ZNF507: variants seen among roughly 807,000 people sequenced by gnomAD.
ZNF507 encodes zinc finger protein 507.
A neutral mutation model predicts 80.0 loss-of-function variants in ZNF507; 29 were observed. That is an observed-to-expected ratio of 0.36 (90% confidence interval 0.27 to 0.49). The LOEUF (loss-of-function observed/expected upper bound fraction) is 0.49, where lower values mean the gene tolerates loss of function less well. ZNF507 is among the 20% of genes least tolerant of loss of function. The probability of loss-of-function intolerance (pLI) is 0.98; values close to 1 mark genes in which losing one functional copy is unlikely to be tolerated. For missense variants in ZNF507, 1,081 were observed against 1,152.2 expected (o/e 0.94, Z 0.90); for synonymous variants, 462 against 422.5 (o/e 1.09, Z -1.15).
At position 32,383,767 on chromosome 19, in the gene ZNF507, G is replaced by C. The variant is rs541149311; in HGVS notation, c.*684G>C. The C allele has an allele frequency of 6.6e-6, 1 of 152,322 alleles. No homozygotes were observed. Among genetic ancestry groups the C allele is most frequent in the South Asian group, 2.1e-4 (1 of 4,828 alleles). 9.4% of individuals were successfully genotyped at this position (152,322 alleles called of 1,614,324 possible). A position where few individuals can be genotyped will look rare whatever the true frequency, so the allele number is the denominator to read the frequency against. ...TAAATTTACGATGAATTTCTTGTGA[G>C]CAGAGGACGAAACAGGTGAATTCTC... is the stretch of plus-strand genomic sequence containing the variant. On this transcript the variant is annotated 3_prime_UTR_variant, in exon 7 of 7. Coordinates refer to ENST00000355898, the MANE Select transcript of ZNF507 (RefSeq NM_001136156.2).
rs765409076 is a variant in ZNF507 at position 32,354,818 on chromosome 19, A to G, written c.1988A>G (p.His663Arg). ...TACATCAAGCAGCACTTACGAGTCC[A>G]TCGACAGAGACAGCCTTATCAGTGT... ...KGYIKQHLRV[H>R]RQRQPYQCPI... is the part of the protein sequence containing the mutation. Residue 663 changes from histidine (H) to arginine (R), a missense_variant, in exon 3 of 7, where the codon CAT becomes CGT. Physicochemically the swap from His to Arg is conservative, Grantham distance 29. Coordinates refer to ENST00000355898, the MANE Select transcript of ZNF507 (RefSeq NM_001136156.2). 6.2e-7 allele frequency: 1 copy of G among 1,614,216 alleles called. No individual in the cohort carries two copies. The highest frequency in any genetic ancestry group is 1.7e-5 in the Admixed American group (1 of 60,032).
chr19:32,354,748 C>G lies in ZNF507; in HGVS notation c.1918C>G (p.Pro640Ala). 1.2e-6 allele frequency: 2 copies of G among 1,614,164 alleles called. No homozygotes were observed. The highest frequency in any genetic ancestry group is 1.7e-6 in the Non-Finnish European group (2 of 1,180,012). ...GGAATACATCCCGAATGCTGAACGA[C>G]CCTACCGTTGCCGCCTGTGTCACTA... Reference protein sequence around the residue: ...VVEYIPNAERPYRCRLCHYTS... With the variant: ...VVEYIPNAERAYRCRLCHYTS... The change falls in exon 3 of 7, where the codon CCC (proline) becomes GCC (alanine). Residue 640 changes from proline to alanine, a missense_variant. Transcript: ENST00000355898.
rs2145352214 is a variant in ZNF507 at position 32,387,517 on chromosome 19, T to C, written c.*4434T>C. ...CCGAGCATGGAAGCTCTAGAACGTATGGTCCAGTGTGGCAGCCACTATAAT... is the reference window on the plus strand; with the variant it reads ...CCGAGCATGGAAGCTCTAGAACGTACGGTCCAGTGTGGCAGCCACTATAAT... On this transcript the variant is annotated 3_prime_UTR_variant, in exon 7 of 7. Coordinates refer to ENST00000355898, the MANE Select transcript of ZNF507 (RefSeq NM_001136156.2). 1 of 152,318 alleles carries C rather than the reference T, an allele frequency of 6.6e-6. No individual in the cohort carries two copies. Among genetic ancestry groups the C allele is most frequent in the East Asian group, 1.9e-4 (1 of 5,192 alleles). The allele number at this position is 152,318 out of a possible 1,614,324, so 9.4% of individuals were successfully genotyped here. A position where few individuals can be genotyped will look rare whatever the true frequency, so the allele number is the denominator to read the frequency against.
At chr19:32,347,537 T>C (rs929702868) in intron 2 of ZNF507, among the ~76,000 whole-genome samples, 199 bp downstream of exon 2, 1 of 152,100 alleles carries the variant, frequency 6.6e-6, no homozygotes, top group Non-Finnish European at 1.5e-5. Flanking sequence ...AAAATTGGTG[T>C]ATTAGAGAAA....
At chr19:32,346,775 A>G (rs1391236643) in intron 1 of ZNF507, among the ~76,000 whole-genome samples, 1 of 152,236 alleles carries the variant, frequency 6.6e-6, no homozygotes, top group East Asian at 1.9e-4. Flanking sequence ...ATGTAGGACC[A>G]GAGTAGGAAA....
chr19:32,375,443 G>A (rs1967533728), intron 5 of ZNF507, among the ~76,000 whole-genome samples: 1 of 152,216 alleles, frequency 6.6e-6, no homozygotes, highest in African/African-American at 2.4e-5. Context: ...AGTCCTCAGT[G>A]TAGTCCATGC....
chr19:32,368,376 T>C (rs1164763918), intron 5 of ZNF507, among the ~76,000 whole-genome samples: 1 of 152,220 alleles, frequency 6.6e-6, no homozygotes, highest in African/African-American at 2.4e-5. Flanking sequence ...GGCTGTTGGT[T>C]GGGCATCAGC....
At chr19:32,351,419 C>CAGTGTGTGTG (rs1555708334) in intron 2 of ZNF507, among the ~76,000 whole-genome samples, 1 of 52,826 alleles carries the variant, frequency 1.9e-5, no homozygotes, top group Non-Finnish European at 3.5e-5. Flanking sequence ...AGCTGGTCAG[C>CAGTGTGTGTG]TGTGTGTGTG....
intron 2 of ZNF507, 65 bp downstream of exon 2, chr19:32,347,403 T>C (rs989301696): frequency 6.6e-6 from 1 of 152,274 alleles, no homozygotes; most frequent in African/African-American, 2.4e-5. Flanking sequence ...CCACCTAGCC[T>C]GTCCTAAAGA....
intron 3 of ZNF507, 57 bp from the exon 4 acceptor site, chr19:32,356,559 C>T: frequency 7.9e-7 from 1 of 1,266,838 alleles, no homozygotes. Flanking sequence ...TCTACAGCCT[C>T]CTAAGAGTTG....
Position 32,382,575 on chromosome 19 carries a change from TAAC to T in ZNF507, c.2470_2472del (p.Asn824del). 4 of 1,614,184 alleles carry T rather than the reference TAAC, an allele frequency of 2.5e-6. No homozygotes were observed. The highest frequency in any genetic ancestry group is 3.4e-6 in the Non-Finnish European group (4 of 1,180,020). ...ACTACGAACAAGTAAACAAGGCTAT[TAAC>T]GACGCGATTTCACAAAGTGGCAGGT... is the stretch of plus-strand genomic sequence containing the variant. On this transcript the variant is annotated inframe_deletion, in exon 6 of 7. Coordinates refer to ENST00000355898, the MANE Select transcript of ZNF507 (RefSeq NM_001136156.2).
Position 32,384,878 on chromosome 19 carries a change from C to T in ZNF507, c.*1795C>T, listed in dbSNP as rs1391449139. On this transcript the variant is annotated 3_prime_UTR_variant, in exon 7 of 7. Coordinates refer to ENST00000355898, the MANE Select transcript of ZNF507 (RefSeq NM_001136156.2). Reference sequence around the variant, plus strand: ...ATGGATTTATATATACTATATTCCTCAAATCCACTGTATGTGGACTTATAT... The same window carrying T: ...ATGGATTTATATATACTATATTCCTTAAATCCACTGTATGTGGACTTATAT... 6.6e-6 allele frequency: 1 copy of T among 152,066 alleles called. No individual in the cohort carries two copies. The highest frequency in any genetic ancestry group is 1.5e-5 in the Non-Finnish European group (1 of 68,010). The allele number at this position is 152,066 out of a possible 1,614,324, so 9.4% of individuals were successfully genotyped here. A position where few individuals can be genotyped will look rare whatever the true frequency, so the allele number is the denominator to read the frequency against.
At chr19:32,378,014 A>G (rs76747921) in intron 5 of ZNF507, among the ~76,000 whole-genome samples, 5,102 of 152,198 alleles carry the variant, frequency 0.034, 334 homozygotes, top group Admixed American at 0.17. Context: ...GACATTTTAC[A>G]AAATATCTGA....
In ZNF507 at chr19:32,355,315, A is replaced by G. The variant is rs574143316; in HGVS notation, c.2127+358A>G. ...GTTTGACTTAAACAAATTTAACCGTACATCATCACAACAAAAAAATACATA... is the reference window on the plus strand; with the variant it reads ...GTTTGACTTAAACAAATTTAACCGTGCATCATCACAACAAAAAAATACATA... On this transcript the variant is annotated intron_variant, in intron 3 of 6. Transcript: ENST00000355898. Among the ~76,000 whole-genome samples, 13 of 152,338 alleles carry G rather than the reference A, an allele frequency of 8.5e-5. No homozygotes were observed. The South Asian group carries it at 2.7e-3, about 32-fold the overall frequency.
Position 32,383,315 on chromosome 19 carries a change from A to G in ZNF507, c.*232A>G. ...GGGGAGTGGGTCAAAGAGGAAGTAG[A>G]GGTGTAATCCTGTATTAACCCTCTG... On this transcript the variant is annotated 3_prime_UTR_variant, in exon 7 of 7. Transcript: ENST00000355898. The G allele has an allele frequency of 1.9e-6, 1 of 521,144 alleles. No individual in the cohort carries two copies. Among genetic ancestry groups the G allele is most frequent in the Non-Finnish European group, 3.4e-6 (1 of 293,528 alleles). 32.3% of individuals were successfully genotyped at this position (521,144 alleles called of 1,614,324 possible).
rs771653957 is a variant in ZNF507, at chr19:32,354,076, A to G, written c.1246A>G (p.Met416Val). The G allele has an allele frequency of 6.8e-6, 11 of 1,613,968 alleles. No homozygotes were observed. Among genetic ancestry groups the G allele is most frequent in the Middle Eastern group, 1.6e-4 (1 of 6,084 alleles). ...AACCCTTTCACAGAAGCGCTTCCTCATGAACACTGAAATGGAAGAAGGGAA... is the reference window on the plus strand; with the variant it reads ...AACCCTTTCACAGAAGCGCTTCCTCGTGAACACTGAAATGGAAGAAGGGAA... ...EETLSQKRFL[M>V]NTEMEEGKDL... The change falls in exon 3 of 7, where the codon ATG becomes GTG. Residue 416 changes from methionine to valine, a missense_variant. Around this residue, in one of 6 missense-constraint regions of ZNF507, gnomAD observed 614 missense variants for 583.9 expected, o/e 1.05. Transcript: ENST00000355898.
intron 5 of ZNF507, among the ~76,000 whole-genome samples, chr19:32,373,834 G>A (rs978997568): frequency 6.6e-6 from 1 of 152,148 alleles, no homozygotes; most frequent in African/African-American, 2.4e-5. Context: ...TTCCTCTCTT[G>A]TGACTATCCA....
chr19:32,352,413 A>G (rs548811841), intron 2 of ZNF507, among the ~76,000 whole-genome samples: 1 of 152,260 alleles, frequency 6.6e-6, no homozygotes, highest in East Asian at 1.9e-4. Context: ...GTTTCACAGT[A>G]ACTGGAGGGG....
In ZNF507 at chr19:32,367,402, A is replaced by C. The variant is rs73926024; in HGVS notation, c.2360+6784A>C. On this transcript the variant is annotated intron_variant, in intron 5 of 6. Transcript: ENST00000355898. Reference sequence around the variant, plus strand: ...ATCGGCTGTTTTCTTACTGATTTGCAGGAGCTCTTCATGTATTCTGAGTAC... The same window carrying C: ...ATCGGCTGTTTTCTTACTGATTTGCCGGAGCTCTTCATGTATTCTGAGTAC... Among the ~76,000 whole-genome samples, 599 of 152,346 alleles carry C rather than the reference A, an allele frequency of 3.9e-3. 1 individual carries two copies. The highest frequency in any genetic ancestry group is 0.013 in the African/African-American group (554 of 41,580).
Sources: allele counts gnomAD v4.1 joint callset (sites outside exome capture counted in the v4.1 genomes callset), GRCh38; gene constraint gnomAD v4.1.1; regional missense constraint gnomAD v4.1.1; transcripts MANE v1.5; gene names NCBI Gene and HGNC (gene_info 2026-07-23, HGNC 2026-07-21).